Variants in EZH1 observed in about 807,000 individuals in gnomAD.
EZH1 encodes the protein histone-lysine N-methyltransferase EZH1.
EZH1 carries 33 observed loss-of-function variants against 100.5 expected under a neutral mutation model. The ratio of observed to expected loss-of-function variants is 0.33; its 90% CI spans 0.25 to 0.44. The LOEUF is 0.44. Among genes scored for constraint, EZH1 ranks in the 20% least tolerant of loss-of-function variants. The pLI, the probability that EZH1 is intolerant of heterozygous loss-of-function variation, is 1.00. For missense variants in EZH1, 475 were observed against 928.4 expected, an observed-to-expected ratio of 0.51 and a Z score of 6.35; for synonymous variants, 272 against 313.8, an observed-to-expected ratio of 0.87 and a Z score of 1.41.
At chr17:42,726,926 T>C (rs1284134085) in intron 4 of EZH1, among the ~76,000 whole-genome samples, 1 of 152,076 alleles carries the variant, frequency 6.6e-6, no homozygotes, top group African/African-American at 2.4e-5. Flanking sequence ...CTTGGCTCAC[T>C]GCAACTTCTG....
rs1406844756 is a variant in EZH1 at position 42,706,765 on chromosome 17, T to C, written c.1661-580A>G. ...CCCTAGAGATTCCCCAACAATCCTC[T>C]CCCTCCCACTGAGGTGGAGAGTACC... is the stretch of plus-strand genomic sequence containing the variant. On this transcript the variant is annotated intron_variant, in intron 15 of 20. Coordinates refer to ENST00000428826, the MANE Select transcript of EZH1 (RefSeq NM_001991.5). The surrounding 1 kb of genome is among the most constrained non-coding windows in gnomAD (Gnocchi z 4.4). 2.6e-5 allele frequency among the ~76,000 whole-genome samples: 4 copies of C among 152,084 alleles called. No homozygotes were observed. Among genetic ancestry groups the C allele is most frequent in the African/African-American group, 9.7e-5 (4 of 41,406 alleles).
intron 4 of EZH1, among the ~76,000 whole-genome samples, chr17:42,725,595 T>G (rs990215154): frequency 6.6e-6 from 1 of 152,130 alleles, no homozygotes; most frequent in African/African-American, 2.4e-5. Flanking sequence ...GAAGGGACTC[T>G]TATTCACCTT....
In EZH1 at chr17:42,718,294, A is replaced by T; in HGVS notation, c.931+160T>A. On this transcript the variant is annotated intron_variant, in intron 9 of 20. Coordinates refer to ENST00000428826, the MANE Select transcript of EZH1 (RefSeq NM_001991.5). This position sits in a 1 kb window ranked among gnomAD's most constrained non-coding sequence, Gnocchi z 4.2. ...TTAGTCTGTCCCTATCATGCAAAGCATGTTGCACTATAATTGAGCAAGGGA... is the reference window on the plus strand; with the variant it reads ...TTAGTCTGTCCCTATCATGCAAAGCTTGTTGCACTATAATTGAGCAAGGGA... 1.0e-6 allele frequency: 1 copy of T among 985,644 alleles called. No homozygotes were observed. Among genetic ancestry groups the T allele is most frequent in the Non-Finnish European group, 1.5e-6 (1 of 678,426 alleles). The allele number at this position is 985,644 out of a possible 1,614,324, so 61.1% of individuals were successfully genotyped here.
intron 7 of EZH1, among the ~76,000 whole-genome samples, chr17:42,719,594 G>A (rs994799732): frequency 6.6e-6 from 1 of 152,090 alleles, no homozygotes; most frequent in African/African-American, 2.4e-5. Flanking sequence ...AAACTTAGCT[G>A]GGCATGGTGG....
chr17:42,709,981 G>A (rs1421228599), intron 12 of EZH1, 44 bp from the exon 13 acceptor site: 2 of 1,583,944 alleles, frequency 1.3e-6, no homozygotes, highest in East Asian at 2.2e-5. Flanking sequence ...CGAGCAAGGG[G>A]GTCAGGTAAG....
At chr17:42,707,507 G>A (rs907401655) in intron 15 of EZH1, among the ~76,000 whole-genome samples, 4 of 152,136 alleles carry the variant, frequency 2.6e-5, no homozygotes, top group African/African-American at 9.7e-5. Context: ...TGATCTGCCC[G>A]ACTTGGCCTT....
intron 1 of EZH1, among the ~76,000 whole-genome samples, chr17:42,734,050 A>ATT (rs111718392): frequency 1.4e-4 from 19 of 140,206 alleles, no homozygotes; most frequent in Non-Finnish European, 2.5e-4. Context: ...ATGCACATGG[A>ATT]TTTTTTTTTT....
At chr17:42,730,273 G>A (rs1030481584) in intron 2 of EZH1, among the ~76,000 whole-genome samples, 1 of 152,082 alleles carries the variant, frequency 6.6e-6, no homozygotes, top group Non-Finnish European at 1.5e-5. Context: ...AACCAAGTTT[G>A]CATCCAAGGG....
intron 19 of EZH1, 30 bp from the exon 20 acceptor site, chr17:42,702,991 T>G (rs750589929): frequency 5.0e-6 from 8 of 1,609,804 alleles, no homozygotes; most frequent in Non-Finnish European, 6.0e-6. Context: ...GAGGCTAGGT[T>G]CCTACCCAAC....
At chr17:42,705,317 G>A in intron 16 of EZH1, 134 bp from the exon 17 acceptor site, 1 of 557,462 alleles carries the variant, frequency 1.8e-6, no homozygotes, top group Non-Finnish European at 3.2e-6. Flanking sequence ...AGCAGAAAAA[G>A]GTCTAACCCA....
intron 1 of EZH1, among the ~76,000 whole-genome samples, chr17:42,739,909 G>A (rs542526446): frequency 1.6e-4 from 24 of 151,176 alleles, no homozygotes; most frequent in African/African-American, 4.4e-4. Flanking sequence ...TCAGCCTCCC[G>A]AGTACCTGGG....
intron 1 of EZH1, among the ~76,000 whole-genome samples, chr17:42,744,808 C>T: frequency 6.6e-6 from 1 of 152,056 alleles, no homozygotes. Flanking sequence ...CTGTCCTCGC[C>T]TGGGTCTCTC....
rs144192772 is a variant in EZH1, at chr17:42,724,056, C to T, written c.366+249G>A. The stretch of plus-strand genomic sequence containing the variant: ...GTACTAAGAGAAAATTGAAATCTTG[C>T]CCAATATTATTCATTTAAAAAAGAA... On this transcript the variant is annotated intron_variant, in intron 5 of 20. Transcript: ENST00000428826. 3.3e-5 allele frequency among the ~76,000 whole-genome samples: 5 copies of T among 152,176 alleles called. No individual in the cohort carries two copies. The East Asian group carries it at 9.7e-4, about 29-fold the overall frequency.
At chr17:42,744,911 C>A in intron 1 of EZH1, 100 bp downstream of exon 1, 1 of 1,196,270 alleles carries the variant, frequency 8.4e-7, no homozygotes, top group Non-Finnish European at 1.1e-6. Context: ...GGATTCCTTC[C>A]AATTTCCTGA....
At chr17:42,732,720 G>A (rs1340603689) in intron 1 of EZH1, among the ~76,000 whole-genome samples, 1 of 152,190 alleles carries the variant, frequency 6.6e-6, no homozygotes, top group African/African-American at 2.4e-5. Flanking sequence ...AGTGAGCCGA[G>A]ATCGTGCCAC....
At chr17:42,704,744 C>A in intron 17 of EZH1, 61 bp from the exon 18 acceptor site, 2 of 1,385,280 alleles carry the variant, frequency 1.4e-6, no homozygotes, top group Non-Finnish European at 2.0e-6. Flanking sequence ...GCATGGTACC[C>A]TGCCCCCAGA....
At position 42,724,157 on chromosome 17, in the gene EZH1, T is replaced by C. The variant is rs1447255946; in HGVS notation, c.366+148A>G. 1.8e-4 allele frequency: 143 copies of C among 816,498 alleles called. No homozygotes were observed. The South Asian group carries it at 2.5e-3, about 14-fold the overall frequency. 50.6% of individuals were successfully genotyped at this position (816,498 alleles called of 1,614,324 possible). A position where few individuals can be genotyped will look rare whatever the true frequency, so the allele number is the denominator to read the frequency against. The stretch of plus-strand genomic sequence containing the variant: ...AGAACAACTTGCAATATATATTGTT[T>C]AGAGTAAGTAAATTACAACCTTGTT... On this transcript the variant is annotated intron_variant, in intron 5 of 20. Coordinates refer to ENST00000428826, the MANE Select transcript of EZH1 (RefSeq NM_001991.5).
chr17:42,729,026 A>T, intron 2 of EZH1, 74 bp from the exon 3 acceptor site: 1 of 1,440,082 alleles, frequency 6.9e-7, no homozygotes, highest in Non-Finnish European at 9.3e-7. Flanking sequence ...AAAAAAAAAA[A>T]AAAGATCAAT....
At chr17:42,734,398 TTTTTCCTA>T (rs1349226989) in intron 1 of EZH1, among the ~76,000 whole-genome samples, 2 of 152,130 alleles carry the variant, frequency 1.3e-5, no homozygotes, top group Non-Finnish European at 2.9e-5. Flanking sequence ...TCATTTTCCT[TTTTTCCTA>T]TTTTCCTTTT....
Sources: allele counts gnomAD v4.1 joint callset (sites outside exome capture counted in the v4.1 genomes callset), GRCh38; gene constraint gnomAD v4.1.1; non-coding constraint Gnocchi (gnomAD v3.1); transcripts MANE v1.5; gene names NCBI Gene and HGNC (gene_info 2026-07-23, HGNC 2026-07-21).